NBPF11: variants seen among roughly 807,000 people sequenced by gnomAD.
NBPF11 encodes NBPF family member NBPF11.
In NBPF11, 72 loss-of-function variants were observed where a neutral mutation model predicts 93.9. The ratio of observed to expected loss-of-function variants is 0.77; its 90% CI spans 0.63 to 0.93. The LOEUF is 0.93. Among genes scored for constraint, NBPF11 ranks in the 40% least tolerant of loss-of-function variants. The pLI is 0.00. For synonymous variants in NBPF11, 224 were observed against 304.9 expected (o/e 0.73, Z 2.76); for missense variants, 705 against 802.2 (o/e 0.88, Z 1.46).
In NBPF11 at chr1:148,122,100, C is replaced by G; in HGVS notation, c.733G>C (p.Glu245Gln). 6.2e-7 allele frequency: 1 copy of G among 1,612,854 alleles called. No individual in the cohort carries two copies. ...KVNSSLVVDR[E>Q]SSHDGCQDAL... ...TCCTGACATCCATCATGAGAGGATT[C>G]TCTGTCTACAACCAGAGATGAGTTG... Residue 245 changes from glutamate to glutamine, a missense_variant, in exon 9 of 24, where the codon GAA (glutamate) becomes CAA (glutamine). Glu to Gln is a conservative substitution (Grantham distance 29). Around this residue, in one of 12 missense-constraint regions of NBPF11, gnomAD observed 262 missense variants for 223.1 expected, o/e 1.17. Transcript: ENST00000682118.
intron 1 of NBPF11, chr1:148,149,365 G>T (rs1341010561): frequency 1.3e-5 from 21 of 1,596,590 alleles, no homozygotes; most frequent in Non-Finnish European, 1.8e-5. Flanking sequence ...CCAAGATCAC[G>T]TCTCCCGTGC....
intron 23 of NBPF11, 53 bp from the exon 24 acceptor site, chr1:148,103,965 G>T (rs1662901948): frequency 4.3e-6 from 7 of 1,609,906 alleles, no homozygotes; most frequent in Non-Finnish European, 5.9e-6. Context: ...AGACACCACA[G>T]AGCCCCACTA....
chr1:148,117,942 T>C (rs1331491391), intron 11 of NBPF11, among the ~76,000 whole-genome samples, 156 bp from the exon 12 acceptor site: 11 of 149,698 alleles, frequency 7.3e-5, no homozygotes, highest in East Asian at 2.0e-4. Flanking sequence ...AGAGAAAGAA[T>C]AGAAAATGGT....
chr1:148,132,330 CTT>C (rs1343526267), intron 4 of NBPF11, among the ~76,000 whole-genome samples: 4 of 136,532 alleles, frequency 2.9e-5, no homozygotes, highest in African/African-American at 8.7e-5. Flanking sequence ...TGGATTCTCT[CTT>C]CTCTTCCACT....
At chr1:148,103,940 C>G in intron 23 of NBPF11, 28 bp from the exon 24 acceptor site, 1 of 1,610,370 alleles carries the variant, frequency 6.2e-7, no homozygotes, top group Non-Finnish European at 8.5e-7. Context: ...ACTAAAGAAG[C>G]AGCCAGGGAA....
chr1:148,117,367 A>G (rs1394392146), intron 12 of NBPF11, among the ~76,000 whole-genome samples: 3,130 of 98,252 alleles, frequency 0.032, no homozygotes, highest in African/African-American at 0.092. Context: ...TCCATCAAGG[A>G]AGGAGGGACA....
intron 7 of NBPF11, 100 bp from the exon 8 acceptor site, chr1:148,122,901 A>G: frequency 1.3e-6 from 2 of 1,599,196 alleles, no homozygotes; most frequent in Admixed American, 1.7e-5. Context: ...TGTATGGTTC[A>G]GCATTGTACT....
intron 1 of NBPF11, chr1:148,149,149 C>T (rs1325750720): frequency 1.2e-5 from 19 of 1,586,658 alleles, no homozygotes; most frequent in South Asian, 2.2e-5. Context: ...GACCCTGCTC[C>T]GGCGCCGCCA....
At chr1:148,121,266 A>T (rs1553271468) in intron 9 of NBPF11, among the ~76,000 whole-genome samples, 2 of 150,348 alleles carry the variant, frequency 1.3e-5, no homozygotes, top group South Asian at 4.2e-4. Context: ...CTGGTTTCGA[A>T]CTCCTGAGCT....
At chr1:148,116,703 T>C (rs1361844054) in intron 12 of NBPF11, among the ~76,000 whole-genome samples, 168 bp from the exon 13 acceptor site, 1 of 151,578 alleles carries the variant, frequency 6.6e-6, no homozygotes, top group Non-Finnish European at 1.5e-5. Flanking sequence ...TCCTGGTCCA[T>C]CAGGCAATGC....
chr1:148,113,242 A>C (rs1227948488), intron 15 of NBPF11, among the ~76,000 whole-genome samples: 2 of 152,010 alleles, frequency 1.3e-5, no homozygotes, highest in African/African-American at 4.8e-5. Context: ...ATGCAGAGAC[A>C]CACATAGGCT....
At position 148,103,659 on chromosome 1, in the gene NBPF11, T is replaced by A. The variant is rs1211082871; in HGVS notation, c.*237A>T. 2 of 1,611,072 alleles carry A rather than the reference T, an allele frequency of 1.2e-6. No homozygotes were observed. The highest frequency in any genetic ancestry group is 1.1e-5 in the South Asian group (1 of 90,984). The stretch of plus-strand genomic sequence containing the variant: ...GCAGGAATGACACCTCTCGGCTTAG[T>A]AAGGGCTGCTTATTGTGGGAATATG... On this transcript the variant is annotated 3_prime_UTR_variant, in exon 24 of 24. Transcript: ENST00000682118.
intron 13 of NBPF11, 120 bp from the exon 14 acceptor site, chr1:148,116,118 A>G: frequency 1.0e-6 from 1 of 965,494 alleles, no homozygotes; most frequent in Non-Finnish European, 1.6e-6. Context: ...AGCAAAATGG[A>G]CGTTCCCATT....
At chr1:148,135,872 A>C in intron 3 of NBPF11, 59 bp from the exon 4 acceptor site, 1 of 861,380 alleles carries the variant, frequency 1.2e-6, no homozygotes, top group South Asian at 1.4e-5. Flanking sequence ...TTTACCAATG[A>C]GACACTTTCT....
chr1:148,110,501 A>G lies in NBPF11; in HGVS notation c.1678T>C (p.Ser560Pro). ...AGAGTCGAATAACCTTCATCCCAGG[A>G]CTCCTGGGGGACTTCCTCCTCTTCA... The part of the protein sequence containing the change: ...ESEEEEVPQE[S>P]WDEGYSTLSI... The change falls in exon 16 of 24, where the codon TCC (serine) becomes CCC (proline). Residue 560 changes from serine to proline, a missense_variant. Ser to Pro is a moderately conservative substitution (Grantham distance 74, BLOSUM62 -1). This residue lies in a region of NBPF11 where 8 missense variants were observed against 26.3 expected (regional missense o/e 0.30). Coordinates refer to ENST00000682118, the MANE Select transcript of NBPF11 (RefSeq NM_001385469.3). The G allele has an allele frequency of 1.3e-6, 2 of 1,586,102 alleles. No homozygotes were observed. The highest frequency in any genetic ancestry group is 1.7e-6 in the Non-Finnish European group (2 of 1,162,112).
intron 5 of NBPF11, among the ~76,000 whole-genome samples, chr1:148,126,013 T>G (rs1432386005): frequency 2.0e-5 from 3 of 151,968 alleles, no homozygotes; most frequent in African/African-American, 7.3e-5. Context: ...TTTTGTTTGT[T>G]TGTTTTTTGA....
rs781952260 is a variant in NBPF11 at position 148,108,571 on chromosome 1, T to G, written c.1937A>C (p.Tyr646Ser). ...LDRCYSTPSV[Y>S]LGLTDSCQPY... ...CTGGCATGAGTCAGTCAGTCCAAGA[T>G]AAACTGAAGGAGTTGAATAACATCT... The change falls in exon 18 of 24, where the codon TAT (tyrosine) becomes TCT (serine). Residue 646 changes from tyrosine to serine, a missense_variant. By Grantham distance (144) the Tyr-to-Ser change is moderately radical (BLOSUM62 -2). This residue lies in a region of NBPF11 where 97 missense variants were observed against 65.0 expected (regional missense o/e 1.49). Transcript: ENST00000682118. The G allele has an allele frequency of 8.8e-6, 14 of 1,599,046 alleles. No homozygotes were observed. The highest frequency in any genetic ancestry group is 1.1e-5 in the Non-Finnish European group (13 of 1,169,292).
At chr1:148,149,864 A>G (rs1439172154) in intron 1 of NBPF11, among the ~76,000 whole-genome samples, 1 of 152,152 alleles carries the variant, frequency 6.6e-6, no homozygotes, top group Non-Finnish European at 1.5e-5. Flanking sequence ...CTCAATCTCA[A>G]TACCAGGAAA....
At chr1:148,139,448 G>A (rs1307445848) in intron 2 of NBPF11, among the ~76,000 whole-genome samples, 18 of 148,660 alleles carry the variant, frequency 1.2e-4, no homozygotes, top group African/African-American at 4.6e-4. Context: ...CAGTCATGGG[G>A]ACCAGGGATT....
Sources: gnomAD v4.1 joint callset for allele counts (sites outside exome capture counted in the v4.1 genomes callset) on GRCh38, gnomAD v4.1.1 for gene constraint, gnomAD v4.1.1 regional missense constraint, MANE v1.5 for transcripts, NCBI Gene and HGNC (gene_info 2026-07-23, HGNC 2026-07-21) for gene names.